The following ZC3H12B variants were observed in gnomAD, a reference collection of about 807,000 sequenced individuals.
The protein encoded by ZC3H12B is zinc finger CCCH-type containing 12B.
In ZC3H12B, 7 loss-of-function variants were observed where a neutral mutation model predicts 43.9. The observed-to-expected ratio is 0.16, with a 90% CI of 0.09 to 0.30. ZC3H12B has a LOEUF of 0.30. Ranked by LOEUF, ZC3H12B falls within the 10% of genes least tolerant of loss-of-function variation. ZC3H12B has a pLI of 1.00. For synonymous variants in ZC3H12B, 222 were observed against 241.7 expected (o/e 0.92, Z 0.76); for missense variants, 475 against 670.2 (o/e 0.71, Z 3.22).
the ZC3H12B span, among the ~76,000 whole-genome samples, chrX:65,163,108 G>A: frequency 9.0e-6 from 1 of 111,024 alleles, no homozygotes; most frequent in Non-Finnish European, 1.9e-5. Context: ...GAATGCTGCT[G>A]TCTGATCGTT....
chrX:65,342,563 G>A, the ZC3H12B span, among the ~76,000 whole-genome samples: 2 of 111,655 alleles, frequency 1.8e-5, no homozygotes, highest in Non-Finnish European at 3.8e-5. Flanking sequence ...AATTACTTTT[G>A]AGTAAATAAC....
chrX:65,491,898 C>T (rs1446873420), intron 1 of ZC3H12B, among the ~76,000 whole-genome samples: 5 of 109,480 alleles, frequency 4.6e-5, no homozygotes, highest in Non-Finnish European at 9.5e-5. Context: ...GTTAAATGGT[C>T]TGCACACAAT....
intron 1 of ZC3H12B, among the ~76,000 whole-genome samples, chrX:65,367,800 A>G (rs758179291): frequency 1.2e-3 from 130 of 111,116 alleles, no homozygotes; most frequent in African/African-American, 4.1e-3. Context: ...TAATTTTTTG[A>G]TATCTAAATT....
At chrX:65,274,221 G>C in the ZC3H12B span, among the ~76,000 whole-genome samples, 1 of 111,773 alleles carries the variant, frequency 8.9e-6, no homozygotes, top group Non-Finnish European at 1.9e-5. Context: ...CACAGTCCTT[G>C]CATGTCCTGG....
the ZC3H12B span, among the ~76,000 whole-genome samples, chrX:65,277,662 CAAAT>C: frequency 1.3e-4 from 14 of 110,466 alleles, no homozygotes; most frequent in East Asian, 4.0e-3. Context: ...TTTTTTGAAA[CAAAT>C]GAAAATAGAA....
chrX:65,124,084 C>T, the ZC3H12B span, among the ~76,000 whole-genome samples: 1,080 of 111,103 alleles, frequency 9.7e-3, 15 homozygotes, highest in African/African-American at 0.034. Context: ...AGTGGCTATG[C>T]TTTCAAAGTT....
chrX:65,386,280 C>CT (rs1330277466), intron 2 of ZC3H12B, among the ~76,000 whole-genome samples: 6 of 111,540 alleles, frequency 5.4e-5, no homozygotes, highest in African/African-American at 2.0e-4. Context: ...TGTTCCTGGA[C>CT]TTTTTTTGGT....
At chrX:65,254,449 C>G in the ZC3H12B span, among the ~76,000 whole-genome samples, 1 of 112,370 alleles carries the variant, frequency 8.9e-6, no homozygotes, top group Non-Finnish European at 1.9e-5. Flanking sequence ...TTGAGCTGAG[C>G]CTTGATCTGA....
the ZC3H12B span, among the ~76,000 whole-genome samples, chrX:65,086,125 C>A: frequency 9.5e-6 from 1 of 105,471 alleles, no homozygotes; most frequent in Non-Finnish European, 1.9e-5. Flanking sequence ...TGGTATCCTT[C>A]AGTTGGTACA....
At chrX:65,469,894 G>C (rs999594204) in intron 3 of ZC3H12B, 1 of 111,957 alleles carries the variant, frequency 8.9e-6, no homozygotes, top group African/African-American at 3.3e-5. Context: ...ACTTGAACCC[G>C]GGAGGCAGAG....
chrX:65,037,176 A>T, the ZC3H12B span, among the ~76,000 whole-genome samples: 2 of 111,179 alleles, frequency 1.8e-5, no homozygotes, highest in South Asian at 3.8e-4. Context: ...GAAAATACAT[A>T]TATGAGACAC....
chrX:65,410,057 A>G (rs1238630656), intron 3 of ZC3H12B, among the ~76,000 whole-genome samples: 2 of 107,572 alleles, frequency 1.9e-5, no homozygotes, highest in African/African-American at 6.7e-5. Context: ...AATTCAAATT[A>G]TATTACAGAG....
the ZC3H12B span, among the ~76,000 whole-genome samples, chrX:65,343,438 G>C: frequency 9.0e-6 from 1 of 111,361 alleles, no homozygotes; most frequent in Non-Finnish European, 1.9e-5. Flanking sequence ...ACAAAATAGT[G>C]GCAAAGTGAA....
chrX:65,103,149 G>A, the ZC3H12B span, among the ~76,000 whole-genome samples: 5 of 111,200 alleles, frequency 4.5e-5, no homozygotes, highest in Non-Finnish European at 5.7e-5. Flanking sequence ...ATGGGAGACC[G>A]GGGCTTATTT....
At chrX:65,218,301 G>A in the ZC3H12B span, among the ~76,000 whole-genome samples, 77 of 112,169 alleles carry the variant, frequency 6.9e-4, no homozygotes, top group African/African-American at 2.4e-3. Flanking sequence ...TACAAGGAAA[G>A]CCAAGAGAAT....
chrX:65,465,598 T>G (rs1050035908), intron 3 of ZC3H12B, among the ~76,000 whole-genome samples: 1 of 111,059 alleles, frequency 9.0e-6, no homozygotes, highest in African/African-American at 3.3e-5. Flanking sequence ...TCATTTACAT[T>G]GAAGGTAATT....
the ZC3H12B span, among the ~76,000 whole-genome samples, chrX:65,211,891 C>G: frequency 3.2e-5 from 2 of 63,224 alleles, no homozygotes; most frequent in Non-Finnish European, 5.3e-5. Flanking sequence ...GTTATGTATA[C>G]TATATAATAT....
chrX:65,133,852 G>A, the ZC3H12B span, among the ~76,000 whole-genome samples: 1 of 110,501 alleles, frequency 9.0e-6, no homozygotes, highest in African/African-American at 3.3e-5. Context: ...GTCACACTGG[G>A]AGTAGAGATG....
chrX:65,136,726 T>A, the ZC3H12B span, among the ~76,000 whole-genome samples: 1 of 111,780 alleles, frequency 8.9e-6, no homozygotes, highest in East Asian at 2.8e-4. Flanking sequence ...CTCATTGCTG[T>A]GTTGTCTCTC....
Sources: allele counts gnomAD v4.1 joint callset (sites outside exome capture counted in the v4.1 genomes callset), GRCh38; gene constraint gnomAD v4.1.1; transcripts MANE v1.5; gene names NCBI Gene and HGNC (gene_info 2026-07-23, HGNC 2026-07-21).